CAMKMT: variants seen among roughly 807,000 people sequenced by gnomAD.
CAMKMT encodes the protein calmodulin-lysine N-methyltransferase, also known as CaM KMT.
CAMKMT carries 53 observed loss-of-function variants against 48.0 expected under a neutral mutation model. That is an observed-to-expected ratio of 1.10 (90% CI 0.89 to 1.39). CAMKMT has a LOEUF of 1.39. Ranked by LOEUF, CAMKMT falls within the 40% of genes most tolerant of loss-of-function variation. The pLI is 0.00. For synonymous variants in CAMKMT, 165 were observed against 152.3 expected, an observed-to-expected ratio of 1.08 and a Z score of -0.61; for missense variants, 428 against 402.7, an observed-to-expected ratio of 1.06 and a Z score of -0.54.
At chr2:44,714,986 G>A (rs1296743543) in intron 6 of CAMKMT, among the ~76,000 whole-genome samples, 1 of 152,086 alleles carries the variant, frequency 6.6e-6, no homozygotes, top group Admixed American at 6.6e-5. Context: ...CTGAGGTCAG[G>A]AGTTCGAGAC....
chr2:44,592,580 T>A (rs1670363640), intron 3 of CAMKMT, among the ~76,000 whole-genome samples: 1 of 152,216 alleles, frequency 6.6e-6, no homozygotes, highest in African/African-American at 2.4e-5. Flanking sequence ...CATATTGTTA[T>A]AATTGTTCTG....
At chr2:44,409,796 A>C (rs1441551434) in intron 3 of CAMKMT, among the ~76,000 whole-genome samples, 1 of 152,180 alleles carries the variant, frequency 6.6e-6, no homozygotes, top group East Asian at 1.9e-4. Flanking sequence ...CAAAATGCAG[A>C]GAAGCAATAT....
intron 7 of CAMKMT, among the ~76,000 whole-genome samples, chr2:44,716,411 A>C (rs1678177723): frequency 6.6e-6 from 1 of 152,210 alleles, no homozygotes; most frequent in Admixed American, 6.5e-5. Context: ...AACCAAAGTG[A>C]TGACACATAT....
chr2:44,572,283 G>T (rs892790110), intron 3 of CAMKMT, among the ~76,000 whole-genome samples: 1 of 152,184 alleles, frequency 6.6e-6, no homozygotes, highest in African/African-American at 2.4e-5. Context: ...CTGGGCTCAA[G>T]CAATCTTCCC....
intron 4 of CAMKMT, chr2:44,705,618 C>A: frequency 1.2e-6 from 1 of 810,530 alleles, no homozygotes; most frequent in Non-Finnish European, 1.5e-6. Context: ...AGAGCCCAGT[C>A]ATTACTTTAG....
At chr2:44,540,302 C>T (rs894121198) in intron 3 of CAMKMT, among the ~76,000 whole-genome samples, 1 of 152,088 alleles carries the variant, frequency 6.6e-6, no homozygotes, top group African/African-American at 2.4e-5. Flanking sequence ...AAGCTGGTCC[C>T]TTTGTCCTTT....
chr2:44,609,381 G>C (rs1671472762), intron 3 of CAMKMT, among the ~76,000 whole-genome samples: 1 of 152,178 alleles, frequency 6.6e-6, no homozygotes, highest in Non-Finnish European at 1.5e-5. Context: ...ATAACCATGT[G>C]AGGTAATCCG....
chr2:44,720,477 C>A (rs1341778443), intron 7 of CAMKMT, among the ~76,000 whole-genome samples: 1 of 151,982 alleles, frequency 6.6e-6, no homozygotes, highest in African/African-American at 2.4e-5. Context: ...AGTTACATAT[C>A]AATAAAAATA....
chr2:44,373,225 A>T (rs1241668451), intron 2 of CAMKMT, among the ~76,000 whole-genome samples: 4 of 152,184 alleles, frequency 2.6e-5, no homozygotes, highest in Non-Finnish European at 5.9e-5. Flanking sequence ...TGAAAACAGA[A>T]TTTTTCCAAA....
intron 7 of CAMKMT, among the ~76,000 whole-genome samples, chr2:44,719,871 C>A (rs2104314783): frequency 6.6e-6 from 1 of 152,284 alleles, no homozygotes; most frequent in South Asian, 2.1e-4. Flanking sequence ...AAGCTGAAGG[C>A]TCTCTTTAAG....
intron 7 of CAMKMT, among the ~76,000 whole-genome samples, chr2:44,718,879 T>A (rs183103565): frequency 4.0e-4 from 61 of 152,340 alleles, no homozygotes; most frequent in African/African-American, 1.4e-3. Context: ...TAAGACTTTT[T>A]TTATAACCCA....
chr2:44,591,752 A>G (rs1415907041), intron 3 of CAMKMT, among the ~76,000 whole-genome samples: 1 of 151,910 alleles, frequency 6.6e-6, no homozygotes, highest in Non-Finnish European at 1.5e-5. Context: ...TGCTATAAAG[A>G]CACATGCACA....
At chr2:44,603,071 C>CAT (rs1233489118) in intron 3 of CAMKMT, among the ~76,000 whole-genome samples, 1 of 151,862 alleles carries the variant, frequency 6.6e-6, no homozygotes, top group Non-Finnish European at 1.5e-5. Flanking sequence ...GATACACACA[C>CAT]ATATATATAT....
At chr2:44,772,006 T>C (rs1681135839) in intron 10 of CAMKMT, 30 bp from the exon 11 acceptor site, 1 of 1,525,484 alleles carries the variant, frequency 6.6e-7, no homozygotes, top group Non-Finnish European at 9.1e-7. Context: ...TGGAGTCCCC[T>C]TACCTTTTTC....
At chr2:44,728,839 C>CT (rs70937931) in intron 7 of CAMKMT, among the ~76,000 whole-genome samples, 2,183 of 58,294 alleles carry the variant, frequency 0.037, 146 homozygotes, top group African/African-American at 0.064. Context: ...GGGGTCTATC[C>CT]TTTTTTTTTT....
In CAMKMT at chr2:44,537,153, A is replaced by T. The variant is rs1210636841; in HGVS notation, c.376+146848A>T. On this transcript the variant is annotated intron_variant, in intron 3 of 10. Transcript: ENST00000378494. ...CAAAGCATAGACAACAAAAACAAAAATGTACAAATGGGACAATATTAAACT... is the reference window on the plus strand; with the variant it reads ...CAAAGCATAGACAACAAAAACAAAATTGTACAAATGGGACAATATTAAACT... 3.3e-5 allele frequency among the ~76,000 whole-genome samples: 5 copies of T among 152,212 alleles called. 1 individual carries two copies. Among genetic ancestry groups the T allele is most frequent in the Admixed American group, 3.3e-4 (5 of 15,276 alleles).
chr2:44,529,083 A>G (rs1399496795), intron 3 of CAMKMT, among the ~76,000 whole-genome samples: 1 of 152,182 alleles, frequency 6.6e-6, no homozygotes, highest in Non-Finnish European at 1.5e-5. Context: ...TATAGTTTGT[A>G]TAGAAAAGGC....
chr2:44,402,759 T>A (rs1256194153), intron 3 of CAMKMT, among the ~76,000 whole-genome samples: 1 of 140,048 alleles, frequency 7.1e-6, no homozygotes, highest in African/African-American at 2.7e-5. Flanking sequence ...TTTTTTTTTT[T>A]ACTTTTTCTT....
chr2:44,706,296 T>C lies in CAMKMT; in HGVS notation c.447T>C (p.Ala149=). Residue 149 remains alanine (A), a synonymous_variant, in exon 5 of 11, where the codon GCT becomes GCC. Coordinates refer to ENST00000378494, the MANE Select transcript of CAMKMT (RefSeq NM_024766.5). ...LKHNNIFRAL[A]VCELGGGMTC... ...CTTTTCTCTCTTTCAGGGCCCTTGC[T>C]GTGTGTGAGCTAGGGGGTGGCATGA... 4.3e-6 allele frequency: 7 copies of C among 1,613,336 alleles called. No individual in the cohort carries two copies. The highest frequency in any genetic ancestry group is 5.9e-6 in the Non-Finnish European group (7 of 1,179,476).
Sources: allele counts gnomAD v4.1 joint callset (sites outside exome capture counted in the v4.1 genomes callset), GRCh38; gene constraint gnomAD v4.1.1; transcripts MANE v1.5; gene names NCBI Gene and HGNC (gene_info 2026-07-23, HGNC 2026-07-21).